PCM1: variants seen among roughly 807,000 people sequenced by gnomAD.
PCM1 encodes the protein pericentriolar material 1.
In PCM1, 157 loss-of-function variants were observed where a neutral mutation model predicts 241.9. The observed-to-expected ratio is 0.65, with a 90% confidence interval of 0.57 to 0.74. The LOEUF is 0.74. Ranked by LOEUF, PCM1 falls within the 30% of genes least tolerant of loss-of-function variation. The probability of loss-of-function intolerance (pLI) is 0.00; values close to 1 mark genes in which losing one functional copy is unlikely to be tolerated. For missense variants in PCM1, 3,478 were observed against 2,360.1 expected, an observed-to-expected ratio of 1.47 and a Z score of -9.81; for synonymous variants, 1,085 against 784.9, an observed-to-expected ratio of 1.38 and a Z score of -6.39.
At chr8:17,987,730 C>A (rs1278414496) in intron 26 of PCM1, among the ~76,000 whole-genome samples, 1 of 151,840 alleles carries the variant, frequency 6.6e-6, no homozygotes, top group African/African-American at 2.4e-5. Flanking sequence ...TTGATACTCA[C>A]AGATCTGAAG....
chr8:17,942,573 A>G (rs2062455328), intron 6 of PCM1, among the ~76,000 whole-genome samples: 1 of 152,218 alleles, frequency 6.6e-6, no homozygotes, highest in South Asian at 2.1e-4. Context: ...AAAATTATCC[A>G]GTTGACTTGG....
chr8:17,985,620 G>T lies in PCM1; in HGVS notation c.4281+1G>T. 1 of 1,599,292 alleles carries T rather than the reference G, an allele frequency of 6.3e-7. No individual in the cohort carries two copies. The highest frequency in any genetic ancestry group is 1.7e-4 in the Middle Eastern group (1 of 6,048). Reference sequence around the variant, plus strand: ...ACAGAGGGCTTTATATGCATTGCAGGTATCTGGTACCTAACATAATTTTTC... The same window carrying T: ...ACAGAGGGCTTTATATGCATTGCAGTTATCTGGTACCTAACATAATTTTTC... On this transcript the variant is annotated splice_donor_variant, in intron 25 of 38. Transcript: ENST00000325083. LOFTEE classifies it high-confidence loss of function.
chr8:17,935,413 A>C (rs146334269), intron 2 of PCM1, among the ~76,000 whole-genome samples, 176 bp from the exon 3 acceptor site: 6 of 152,294 alleles, frequency 3.9e-5, no homozygotes, highest in African/African-American at 1.4e-4. Flanking sequence ...GCTCATTTTA[A>C]TCATAATATG....
intron 9 of PCM1, among the ~76,000 whole-genome samples, chr8:17,954,610 G>C (rs184528605): frequency 6.6e-6 from 1 of 152,234 alleles, no homozygotes; most frequent in African/African-American, 2.4e-5. Flanking sequence ...TCAAGGAATA[G>C]AATGAGGAGA....
At chr8:18,023,067 A>T (rs192428826) in intron 36 of PCM1, among the ~76,000 whole-genome samples, 1 of 152,316 alleles carries the variant, frequency 6.6e-6, no homozygotes, top group African/African-American at 2.4e-5. Context: ...GAGAATAACC[A>T]TGACAATCAC....
intron 2 of PCM1, among the ~76,000 whole-genome samples, chr8:17,929,317 G>A (rs75936266): frequency 0.02 from 3,060 of 152,120 alleles, 103 homozygotes; most frequent in African/African-American, 0.07. Flanking sequence ...GTGTATTAGC[G>A]TGTCCTTTTC....
intron 16 of PCM1, 37 bp downstream of exon 16, chr8:17,962,211 C>G: frequency 6.5e-7 from 1 of 1,541,218 alleles, no homozygotes; most frequent in Non-Finnish European, 8.8e-7. Context: ...CTGAGTTAGT[C>G]TTTTGTTTTC....
At chr8:18,026,276 T>G (rs1407752337) in intron 38 of PCM1, among the ~76,000 whole-genome samples, 1 of 124,534 alleles carries the variant, frequency 8.0e-6, no homozygotes. Flanking sequence ...TTTTTTTTTT[T>G]GAGACAGAGT....
intron 8 of PCM1, among the ~76,000 whole-genome samples, chr8:17,951,753 T>C (rs1030679917): frequency 6.6e-6 from 1 of 152,098 alleles, no homozygotes; most frequent in Non-Finnish European, 1.5e-5. Context: ...GAGTGGGTAA[T>C]GACATTGGAA....
At chr8:17,962,351 A>G in intron 16 of PCM1, 177 bp downstream of exon 16, 1 of 325,152 alleles carries the variant, frequency 3.1e-6, no homozygotes, top group Admixed American at 4.8e-5. Context: ...TAATAATATA[A>G]GAAAGATAAA....
intron 29 of PCM1, 152 bp from the exon 30 acceptor site, chr8:18,006,111 C>T (rs1401985489): frequency 7.5e-6 from 5 of 668,280 alleles, no homozygotes; most frequent in East Asian, 5.7e-5. Flanking sequence ...TTTGGCTTTT[C>T]TTATGAATGG....
At position 17,972,319 on chromosome 8, in the gene PCM1, C is replaced by T; in HGVS notation, c.3585-10C>T. 6.9e-7 allele frequency: 1 copy of T among 1,441,728 alleles called. No homozygotes were observed. The highest frequency in any genetic ancestry group is 1.4e-5 in the African/African-American group (1 of 70,438). 89.3% of individuals were successfully genotyped at this position (1,441,728 alleles called of 1,614,324 possible). A position where few individuals can be genotyped will look rare whatever the true frequency, so the allele number is the denominator to read the frequency against. Reference sequence around the variant, plus strand: ...TTGTTAACTTATAAAAACTTGTTTTCATTGGTAAGGAATAAAAAACTGCCT... The same window carrying T: ...TTGTTAACTTATAAAAACTTGTTTTTATTGGTAAGGAATAAAAAACTGCCT... On this transcript the variant is annotated splice_polypyrimidine_tract_variant and intron_variant, in intron 22 of 38. Coordinates refer to ENST00000325083, the MANE Select transcript of PCM1 (RefSeq NM_006197.4).
rs1564511243 is a variant in PCM1 at position 18,029,468 on chromosome 8, A to G, written c.*1806A>G. ...AGGGTAAAAACTGTTTTGGTACTCA[A>G]GCCCAGCCTTACATACTGTGTTTCT... On this transcript the variant is annotated 3_prime_UTR_variant, in exon 39 of 39. Coordinates refer to ENST00000325083, the MANE Select transcript of PCM1 (RefSeq NM_006197.4). 4.6e-6 allele frequency: 1 copy of G among 216,912 alleles called. No homozygotes were observed. 13.4% of individuals were successfully genotyped at this position (216,912 alleles called of 1,614,324 possible). A position where few individuals can be genotyped will look rare whatever the true frequency, so the allele number is the denominator to read the frequency against.
chr8:17,938,311 C>G (rs188591460), intron 4 of PCM1, among the ~76,000 whole-genome samples: 1 of 152,226 alleles, frequency 6.6e-6, no homozygotes, highest in Non-Finnish European at 1.5e-5. Context: ...AGATTACCTT[C>G]AGATTATGTG....
intron 4 of PCM1, 99 bp downstream of exon 4, chr8:17,937,478 T>A: frequency 8.7e-7 from 1 of 1,149,634 alleles, no homozygotes; most frequent in Non-Finnish European, 1.2e-6. Context: ...GCTGTTTATG[T>A]AATTTTTAAA....
Position 17,937,141 on chromosome 8 carries a change from G to A in PCM1, c.104G>A (p.Gly35Asp), listed in dbSNP as rs1386200125. ...GCTTTTACTTTTTTAAAGGATTGGG[G>A]TGCCCAACAGAAGAAAGCAAATAGA... ...VDDRLNNMDW[G>D]AQQKKANRSS... is the part of the protein sequence containing the mutation. The change falls in exon 4 of 39, where the codon GGT (glycine) becomes GAT (aspartate). Residue 35 changes from glycine to aspartate, a missense_variant. By Grantham distance (94) the Gly-to-Asp change is moderately conservative (BLOSUM62 -1). Coordinates refer to ENST00000325083, the MANE Select transcript of PCM1 (RefSeq NM_006197.4). 11 of 1,560,564 alleles carry A rather than the reference G, an allele frequency of 7.0e-6. No individual in the cohort carries two copies. The highest frequency in any genetic ancestry group is 9.6e-6 in the Non-Finnish European group (11 of 1,151,100).
chr8:17,972,619 A>G lies in PCM1; in HGVS notation c.3875A>G (p.Asp1292Gly). The G allele has an allele frequency of 1.9e-6, 3 of 1,588,262 alleles. No homozygotes were observed. The highest frequency in any genetic ancestry group is 2.6e-6 in the Non-Finnish European group (3 of 1,171,568). Residue 1292 changes from aspartate to glycine, a missense_variant, in exon 23 of 39, where the codon GAT becomes GGT. Asp to Gly is a moderately conservative substitution (Grantham distance 94). Coordinates refer to ENST00000325083, the MANE Select transcript of PCM1 (RefSeq NM_006197.4). ...ASAQASLASK[D>G]KTPKSKSKKR... ...GCACAGGCCAGCCTGGCATCTAAAG[A>G]TAAAACTCCCAAGTCAAAAAGTAAG...
chr8:18,009,300 C>T (rs946821245), intron 30 of PCM1, among the ~76,000 whole-genome samples: 1 of 152,046 alleles, frequency 6.6e-6, no homozygotes, highest in Non-Finnish European at 1.5e-5. Flanking sequence ...CATTTGTGCC[C>T]AGCAGTTACA....
intron 13 of PCM1, among the ~76,000 whole-genome samples, chr8:17,959,377 A>C (rs1441965640): frequency 6.6e-6 from 1 of 152,058 alleles, no homozygotes; most frequent in African/African-American, 2.4e-5. Context: ...AGTTTTCAGT[A>C]TATCGATGGA....
Sources: allele counts gnomAD v4.1 joint callset (sites outside exome capture counted in the v4.1 genomes callset), GRCh38; gene constraint gnomAD v4.1.1; transcripts MANE v1.5; gene names NCBI Gene and HGNC (gene_info 2026-07-23, HGNC 2026-07-21).